The following SLC2A13 variants were observed in gnomAD, a reference collection of about 807,000 sequenced individuals.
SLC2A13 encodes the protein solute carrier family 2 member 13.
Under a neutral mutation model 64.4 loss-of-function variants are expected in SLC2A13, and 32 were observed. That is an observed-to-expected ratio of 0.50 (90% CI 0.37 to 0.67). SLC2A13 has a LOEUF of 0.67. Among genes scored for constraint, SLC2A13 ranks in the 30% least tolerant of loss-of-function variants. The probability of loss-of-function intolerance (pLI) is 0.00; values close to 1 mark genes in which losing one functional copy is unlikely to be tolerated. For missense variants in SLC2A13, 743 were observed against 829.2 expected (o/e 0.90, Z 1.28); for synonymous variants, 338 against 327.1 (o/e 1.03, Z -0.36).
chr12:39,977,487 C>T (rs1231374128), intron 3 of SLC2A13, among the ~76,000 whole-genome samples: 2 of 152,230 alleles, frequency 1.3e-5, no homozygotes, highest in Non-Finnish European at 2.9e-5. Context: ...AAAAGAGGCA[C>T]AGTCTTTTTC....
chr12:39,989,171 C>G (rs1947088015), intron 3 of SLC2A13, among the ~76,000 whole-genome samples: 1 of 152,130 alleles, frequency 6.6e-6, no homozygotes, highest in East Asian at 1.9e-4. Flanking sequence ...TCTGCCCTTA[C>G]CCCCTGAAAC....
intron 4 of SLC2A13, among the ~76,000 whole-genome samples, chr12:39,893,220 T>C (rs1225800716): frequency 6.6e-6 from 1 of 152,238 alleles, no homozygotes; most frequent in Non-Finnish European, 1.5e-5. Flanking sequence ...AGCAACATTC[T>C]AAATGAATAC....
Position 39,764,762 on chromosome 12 carries a change from A to T in SLC2A13, c.1542T>A (p.Ile514=), listed in dbSNP as rs372877743. Reference sequence around the variant, plus strand: ...CAGGTGCAAAGAAGACAAGATATAAAATAAGGCCCAGAAGTGCAGTCCAGG... The same window carrying T: ...CAGGTGCAAAGAAGACAAGATATAATATAAGGCCCAGAAGTGCAGTCCAGG... ...PYSWTALLGL[I]LYLVFFAPGM... is the part of the protein sequence containing the mutation. The change falls in exon 8 of 10, where the codon ATT becomes ATA. Residue 514 remains isoleucine, a synonymous_variant. Coordinates refer to ENST00000280871, the MANE Select transcript of SLC2A13 (RefSeq NM_052885.4). 1.0e-4 allele frequency: 167 copies of T among 1,612,734 alleles called. No homozygotes were observed. Among genetic ancestry groups the T allele is most frequent in the Non-Finnish European group, 1.4e-4 (160 of 1,179,340 alleles).
chr12:39,778,739 A>C (rs1177975305), intron 7 of SLC2A13, among the ~76,000 whole-genome samples: 1 of 152,178 alleles, frequency 6.6e-6, no homozygotes, highest in Non-Finnish European at 1.5e-5. Context: ...ACATTGCCCC[A>C]GGTGTTGGAC....
At chr12:40,077,341 A>C (rs1938215345) in intron 1 of SLC2A13, among the ~76,000 whole-genome samples, 1 of 152,132 alleles carries the variant, frequency 6.6e-6, no homozygotes, top group Non-Finnish European at 1.5e-5. Flanking sequence ...TGAAGAAAGG[A>C]AAGGGTCCAG....
chr12:39,785,059 G>A (rs1478947989), intron 7 of SLC2A13, among the ~76,000 whole-genome samples: 1 of 152,166 alleles, frequency 6.6e-6, no homozygotes, highest in South Asian at 2.1e-4. Flanking sequence ...CCATTTTCTG[G>A]GGAGAAATTC....
In SLC2A13 at chr12:39,846,040, A is replaced by G. The variant is rs986331123; in HGVS notation, c.1320-15812T>C. Among the ~76,000 whole-genome samples, 6 of 152,136 alleles carry G rather than the reference A, an allele frequency of 3.9e-5. No homozygotes were observed. In the East Asian group the frequency reaches 9.6e-4, roughly 24 times the overall value. On this transcript the variant is annotated intron_variant, in intron 6 of 9. Coordinates refer to ENST00000280871, the MANE Select transcript of SLC2A13 (RefSeq NM_052885.4). ...CATCTGTATTTGCTTCTTGTCTTCA[A>G]TGATTTTTCTCATGTTCATCTACCT...
At chr12:40,073,014 T>C (rs1397236495) in intron 1 of SLC2A13, among the ~76,000 whole-genome samples, 1 of 152,142 alleles carries the variant, frequency 6.6e-6, no homozygotes, top group Non-Finnish European at 1.5e-5. Context: ...ACATTGGTTA[T>C]ACTGCTTTCA....
intron 7 of SLC2A13, among the ~76,000 whole-genome samples, chr12:39,766,581 A>T (rs1444962856): frequency 6.6e-6 from 1 of 151,912 alleles, no homozygotes; most frequent in Non-Finnish European, 1.5e-5. Context: ...AAATTGACTG[A>T]CTTTTCCCTT....
At chr12:39,968,449 C>A (rs1946567092) in intron 3 of SLC2A13, among the ~76,000 whole-genome samples, 1 of 151,998 alleles carries the variant, frequency 6.6e-6, no homozygotes, top group Non-Finnish European at 1.5e-5. Context: ...AAACATATCA[C>A]CTCCCTTCCA....
intron 7 of SLC2A13, among the ~76,000 whole-genome samples, chr12:39,817,832 G>T (rs1310784314): frequency 6.6e-5 from 10 of 152,104 alleles, no homozygotes; most frequent in African/African-American, 2.2e-4. Flanking sequence ...TTCAAAGACG[G>T]TTCCTTGACC....
intron 4 of SLC2A13, among the ~76,000 whole-genome samples, chr12:39,896,508 A>G (rs993393341): frequency 2.1e-5 from 3 of 144,206 alleles, no homozygotes; most frequent in South Asian, 4.3e-4. Context: ...ATATGTATGT[A>G]CATGTGTGTA....
At chr12:40,099,483 G>A (rs1048572863) in intron 1 of SLC2A13, among the ~76,000 whole-genome samples, 8 of 152,206 alleles carry the variant, frequency 5.3e-5, no homozygotes, top group Admixed American at 4.6e-4. Flanking sequence ...TCAAAAAGAT[G>A]TTAGTGTGAA....
At chr12:39,824,012 A>G (rs142301210) in intron 7 of SLC2A13, among the ~76,000 whole-genome samples, 2,298 of 152,278 alleles carry the variant, frequency 0.015, 27 homozygotes, top group Middle Eastern at 0.024. Context: ...CCTCTCATTT[A>G]TAACTGTGAT....
At chr12:39,871,267 A>G (rs1489460064) in intron 5 of SLC2A13, among the ~76,000 whole-genome samples, 1 of 152,198 alleles carries the variant, frequency 6.6e-6, no homozygotes, top group Non-Finnish European at 1.5e-5. Context: ...TAGAAAATAC[A>G]TTTAACCAAC....
chr12:39,855,608 C>T (rs1167195786), intron 6 of SLC2A13, among the ~76,000 whole-genome samples: 1 of 152,192 alleles, frequency 6.6e-6, no homozygotes, highest in Non-Finnish European at 1.5e-5. Flanking sequence ...TTTTAAATCT[C>T]AATACCCCAG....
intron 4 of SLC2A13, among the ~76,000 whole-genome samples, chr12:39,898,212 T>C (rs1944978356): frequency 2.6e-5 from 4 of 152,104 alleles, no homozygotes; most frequent in African/African-American, 9.7e-5. Context: ...AATGTCTCTT[T>C]TTAAGACTAT....
At chr12:39,870,454 T>C (rs986003892) in intron 5 of SLC2A13, among the ~76,000 whole-genome samples, 5 of 152,296 alleles carry the variant, frequency 3.3e-5, no homozygotes, top group African/African-American at 1.2e-4. Flanking sequence ...GCTCTGATTA[T>C]TGGGGATATT....
chr12:40,050,598 T>A (rs963029395), intron 1 of SLC2A13, among the ~76,000 whole-genome samples: 2 of 152,200 alleles, frequency 1.3e-5, no homozygotes, highest in Admixed American at 6.5e-5. Flanking sequence ...GGACTAATAA[T>A]CTTATTTAAT....
Sources: gnomAD v4.1 joint callset for allele counts (sites outside exome capture counted in the v4.1 genomes callset) on GRCh38, gnomAD v4.1.1 for gene constraint, MANE v1.5 for transcripts, NCBI Gene and HGNC (gene_info 2026-07-23, HGNC 2026-07-21) for gene names.